Variants in CAMTA1 observed in about 807,000 individuals in gnomAD.
CAMTA1 encodes the protein calmodulin-binding transcription activator 1.
In CAMTA1, 27 loss-of-function variants were observed where a neutral mutation model predicts 170.9. That is an observed-to-expected ratio of 0.16 (90% confidence interval 0.12 to 0.22). The LOEUF (loss-of-function observed/expected upper bound fraction) is 0.22. Among genes scored for constraint, CAMTA1 ranks in the 10% least tolerant of loss-of-function variants. The pLI is 1.00. For missense variants in CAMTA1, 1,619 were observed against 2,217.2 expected (o/e 0.73, Z 5.42); for synonymous variants, 833 against 891.5 (o/e 0.93, Z 1.17).
At chr1:7,219,570 A>G (rs976524411) in intron 4 of CAMTA1, 33 of 145,668 alleles carry the variant, frequency 2.3e-4, no homozygotes, top group Non-Finnish European at 4.8e-4. Flanking sequence ...AAAAAAAAAA[A>G]AAGGAGACAC....
At chr1:7,350,500 G>A (rs558360865) in intron 5 of CAMTA1, among the ~76,000 whole-genome samples, 9 of 152,156 alleles carry the variant, frequency 5.9e-5, no homozygotes, top group Non-Finnish European at 1.2e-4. Context: ...TAGCCTCTCC[G>A]TTTCTGCGAT....
rs536238658 is a variant in CAMTA1 at position 7,354,472 on chromosome 1, C to A, written c.438+104846C>A. ...CCTACCACATTTTCTTTATCCAATC[C>A]AGTGTTCATGGGCACCTAGGTTGAT... On this transcript the variant is annotated intron_variant, in intron 5 of 22. Transcript: ENST00000303635. Among the ~76,000 whole-genome samples, 488 of 152,326 alleles carry A rather than the reference C, an allele frequency of 3.2e-3. 4 individuals carry two copies. The highest frequency in any genetic ancestry group is 0.011 in the African/African-American group (467 of 41,580).
At chr1:7,516,409 G>A (rs768999685) in intron 6 of CAMTA1, among the ~76,000 whole-genome samples, 1 of 152,362 alleles carries the variant, frequency 6.6e-6, no homozygotes, top group Non-Finnish European at 1.5e-5. Context: ...GGGCCGTGGA[G>A]GGCAGCTGGG....
rs560738448 is a variant in CAMTA1 at position 7,171,622 on chromosome 1, A to G, written c.303-77869A>G. On this transcript the variant is annotated intron_variant, in intron 4 of 22. Transcript: ENST00000303635. ...TTTAAAAAACTGAGATGAAATTCAC[A>G]TAACATAAAATTACCCATTTTAAAG... 1.2e-4 allele frequency among the ~76,000 whole-genome samples: 19 copies of G among 152,350 alleles called. No individual in the cohort carries two copies. In the East Asian group the frequency reaches 3.7e-3, roughly 29 times the overall value.
chr1:7,515,734 C>T (rs918585004), intron 6 of CAMTA1, among the ~76,000 whole-genome samples: 9 of 152,206 alleles, frequency 5.9e-5, no homozygotes, highest in African/African-American at 1.4e-4. Context: ...GCTAACCTCT[C>T]GCGAGCCCTG....
chr1:6,888,103 G>A, intron 3 of CAMTA1: 1 of 988,374 alleles, frequency 1.0e-6, no homozygotes, highest in Admixed American at 4.9e-5. Context: ...CAGAATGGAA[G>A]CTCCATGAGA....
intron 11 of CAMTA1, among the ~76,000 whole-genome samples, chr1:7,716,917 C>T (rs2096614424): frequency 6.6e-6 from 1 of 152,174 alleles, no homozygotes; most frequent in Non-Finnish European, 1.5e-5. Context: ...TGGTCTGTGT[C>T]TACAGTGGAG....
intron 3 of CAMTA1, among the ~76,000 whole-genome samples, chr1:6,912,503 C>T (rs572538057): frequency 1.1e-4 from 16 of 152,332 alleles, no homozygotes; most frequent in South Asian, 8.3e-4. Context: ...TAAAGAGCCC[C>T]GGGGAATTAA....
intron 3 of CAMTA1, among the ~76,000 whole-genome samples, chr1:6,897,661 A>G (rs1407779045): frequency 6.6e-6 from 1 of 152,314 alleles, no homozygotes; most frequent in South Asian, 2.1e-4. Flanking sequence ...TAGTGTGTGC[A>G]GTACACTTGA....
intron 4 of CAMTA1, among the ~76,000 whole-genome samples, chr1:7,134,066 G>A (rs1175641852): frequency 1.3e-5 from 2 of 152,036 alleles, no homozygotes; most frequent in African/African-American, 4.8e-5. Context: ...CTCCCCCCAG[G>A]TAGTCTGCAG....
chr1:7,116,508 CAG>C (rs1644335329), intron 4 of CAMTA1, among the ~76,000 whole-genome samples: 2 of 152,176 alleles, frequency 1.3e-5, no homozygotes, highest in African/African-American at 4.8e-5. Flanking sequence ...GTGAAGCAAT[CAG>C]AGAATAGAAT....
chr1:7,119,926 G>A (rs191879070), intron 4 of CAMTA1, among the ~76,000 whole-genome samples: 1 of 152,200 alleles, frequency 6.6e-6, no homozygotes, highest in Admixed American at 6.5e-5. Context: ...ATACCTGTGG[G>A]CCAAGTTAGG....
intron 5 of CAMTA1, among the ~76,000 whole-genome samples, chr1:7,316,165 GC>G (rs1677475906): frequency 6.6e-6 from 1 of 152,142 alleles, no homozygotes; most frequent in Non-Finnish European, 1.5e-5. Flanking sequence ...ACCTCCCACT[GC>G]GTTCCTCCCA....
intron 3 of CAMTA1, among the ~76,000 whole-genome samples, chr1:6,923,427 G>C (rs907560901): frequency 1.3e-5 from 2 of 152,188 alleles, no homozygotes; most frequent in African/African-American, 4.8e-5. Flanking sequence ...TGCCCTCAAG[G>C]TTCCTGTTTA....
rs561053069 is a variant in CAMTA1 at position 7,628,311 on chromosome 1, C to G, written c.511-12089C>G. Among the ~76,000 whole-genome samples the G allele has an allele frequency of 3.9e-5, 6 of 152,382 alleles. No homozygotes were observed. In the South Asian group the frequency reaches 1.2e-3, roughly 32 times the overall value. The stretch of plus-strand genomic sequence containing the variant: ...GCCTAGTGATTAGCACTGATTGGCT[C>G]TGGTGGAGCCATGGGTCTCTCTCTG... On this transcript the variant is annotated intron_variant, in intron 6 of 22. Coordinates refer to ENST00000303635, the MANE Select transcript of CAMTA1 (RefSeq NM_015215.4).
chr1:7,743,604 C>T (rs1235773820), intron 16 of CAMTA1, among the ~76,000 whole-genome samples: 1 of 152,060 alleles, frequency 6.6e-6, no homozygotes, highest in African/African-American at 2.4e-5. Context: ...TTCCACTTAG[C>T]AGGATGTTGT....
intron 11 of CAMTA1, among the ~76,000 whole-genome samples, chr1:7,683,860 C>A (rs1045687764): frequency 6.6e-5 from 10 of 152,244 alleles, no homozygotes; most frequent in African/African-American, 2.4e-4. Flanking sequence ...CTTTCCTCAG[C>A]ACCGCAGTGG....
At position 7,670,710 on chromosome 1, in the gene CAMTA1, G is replaced by A. The variant is rs2275681; in HGVS notation, c.2653-201G>A. ...AGGGGCTGGGGAAGGAGCGCCTTGG[G>A]CTCTCCTCTTGCTGTAGTCCTGGAG... On this transcript the variant is annotated intron_variant, in intron 9 of 22. Transcript: ENST00000303635. Among the ~76,000 whole-genome samples, 8 of 152,324 alleles carry A rather than the reference G, an allele frequency of 5.3e-5. No individual in the cohort carries two copies. In the East Asian group the frequency reaches 1.5e-3, roughly 29 times the overall value.
intron 5 of CAMTA1, among the ~76,000 whole-genome samples, chr1:7,370,662 T>C (rs1019313861): frequency 6.6e-6 from 1 of 152,230 alleles, no homozygotes; most frequent in Non-Finnish European, 1.5e-5. Flanking sequence ...GGAGGGGTTT[T>C]GATAGTCGGC....
Sources: gnomAD v4.1 joint callset for allele counts (sites outside exome capture counted in the v4.1 genomes callset) on GRCh38, gnomAD v4.1.1 for gene constraint, MANE v1.5 for transcripts, NCBI Gene and HGNC (gene_info 2026-07-23, HGNC 2026-07-21) for gene names.